The following UNC5D variants were observed in gnomAD, a reference collection of about 807,000 sequenced individuals.
UNC5D encodes the protein netrin receptor UNC5D.
Under a neutral mutation model 105.4 loss-of-function variants are expected in UNC5D, and 39 were observed. That is an observed-to-expected ratio of 0.37 (90% CI 0.29 to 0.48). The LOEUF is 0.48. UNC5D is among the 20% of genes least tolerant of loss of function. The pLI is 0.98. For synonymous variants in UNC5D, 452 were observed against 450.4 expected, an observed-to-expected ratio of 1.00 and a Z score of -0.04; for missense variants, 991 against 1,202.4, an observed-to-expected ratio of 0.82 and a Z score of 2.60.
chr8:35,631,230 C>T, intron 4 of UNC5D, among the ~76,000 whole-genome samples: 1 of 151,682 alleles, frequency 6.6e-6, no homozygotes, highest in East Asian at 1.9e-4. Context: ...AGGAGAATGG[C>T]TTCAACCCAG....
chr8:35,715,594 A>G (rs780117426), intron 8 of UNC5D, among the ~76,000 whole-genome samples: 1 of 152,212 alleles, frequency 6.6e-6, no homozygotes, highest in Non-Finnish European at 1.5e-5. Context: ...AAATCAGTAG[A>G]TGTTAAAAAG....
chr8:35,395,794 T>G (rs1229228834), intron 1 of UNC5D, among the ~76,000 whole-genome samples: 1 of 152,200 alleles, frequency 6.6e-6, no homozygotes, highest in Non-Finnish European at 1.5e-5. Flanking sequence ...TTTCCTCAGA[T>G]GTCAGCAGGT....
chr8:35,412,129 C>T (rs1805214582), intron 1 of UNC5D, among the ~76,000 whole-genome samples: 1 of 151,950 alleles, frequency 6.6e-6, no homozygotes, highest in Non-Finnish European at 1.5e-5. Context: ...TGGTGGTCTG[C>T]TTTACATCAT....
chr8:35,452,893 C>A (rs1585876255), intron 1 of UNC5D, among the ~76,000 whole-genome samples: 1 of 152,128 alleles, frequency 6.6e-6, no homozygotes, highest in East Asian at 1.9e-4. Context: ...GATCCAAGAG[C>A]TTCAGGAGGC....
chr8:35,766,891 C>T lies in UNC5D; in HGVS notation c.2314-11C>T. On this transcript the variant is annotated splice_polypyrimidine_tract_variant and intron_variant, in intron 14 of 16. Transcript: ENST00000404895. The stretch of plus-strand genomic sequence containing the variant: ...TCTGCACACCATCCCTTCTCTCCGT[C>T]TCCCCTGCAGGAAGTCCCGTTCTCC... The T allele has an allele frequency of 3.1e-6, 5 of 1,607,382 alleles. No individual in the cohort carries two copies. Among genetic ancestry groups the T allele is most frequent in the Non-Finnish European group, 4.3e-6 (5 of 1,175,938 alleles).
chr8:35,341,999 CT>C (rs971372008), intron 1 of UNC5D, among the ~76,000 whole-genome samples: 3 of 151,914 alleles, frequency 2.0e-5, no homozygotes, highest in African/African-American at 7.3e-5. Flanking sequence ...TAGGTCTTCT[CT>C]TTTTTTTCCC....
At chr8:35,743,206 C>G (rs1398804687) in intron 11 of UNC5D, among the ~76,000 whole-genome samples, 2 of 152,136 alleles carry the variant, frequency 1.3e-5, no homozygotes, top group East Asian at 3.9e-4. Flanking sequence ...CTGCTGATTT[C>G]TTTGTAAGAA....
intron 1 of UNC5D, among the ~76,000 whole-genome samples, chr8:35,297,041 G>A (rs1192137800): frequency 6.6e-6 from 1 of 152,138 alleles, no homozygotes; most frequent in Non-Finnish European, 1.5e-5. Context: ...AATTTTATAA[G>A]TCATGGGAGA....
intron 4 of UNC5D, among the ~76,000 whole-genome samples, chr8:35,667,963 GTC>G (rs1586377112): frequency 6.6e-6 from 1 of 152,190 alleles, no homozygotes; most frequent in East Asian, 1.9e-4. Flanking sequence ...TTCTACTGGA[GTC>G]AGTGGAATTT....
At chr8:35,488,954 G>A (rs1188383828) in intron 1 of UNC5D, among the ~76,000 whole-genome samples, 1 of 151,908 alleles carries the variant, frequency 6.6e-6, no homozygotes, top group African/African-American at 2.4e-5. Context: ...AAGAACTTGA[G>A]TTTGGGGGCG....
intron 2 of UNC5D, among the ~76,000 whole-genome samples, chr8:35,558,552 A>C (rs573248215): frequency 6.6e-6 from 1 of 152,242 alleles, no homozygotes; most frequent in Admixed American, 6.5e-5. Flanking sequence ...AATGGAAAAC[A>C]TTCCCTTATA....
intron 1 of UNC5D, among the ~76,000 whole-genome samples, chr8:35,293,666 C>A (rs1807246029): frequency 6.6e-6 from 1 of 152,188 alleles, no homozygotes; most frequent in African/African-American, 2.4e-5. Context: ...AAGTCATGCA[C>A]AACATCTGGA....
At chr8:35,506,873 GA>G (rs1812335863) in intron 1 of UNC5D, among the ~76,000 whole-genome samples, 1 of 152,086 alleles carries the variant, frequency 6.6e-6, no homozygotes, top group Admixed American at 6.5e-5. Flanking sequence ...AAGACTTTTG[GA>G]AAAGGGCAAG....
chr8:35,336,567 C>G (rs1811057179), intron 1 of UNC5D, among the ~76,000 whole-genome samples: 1 of 152,140 alleles, frequency 6.6e-6, no homozygotes, highest in South Asian at 2.1e-4. Flanking sequence ...ACTGAACCAG[C>G]CAGGCATCAC....
At chr8:35,760,772 C>CT (rs1801490750) in intron 14 of UNC5D, among the ~76,000 whole-genome samples, 1 of 144,712 alleles carries the variant, frequency 6.9e-6, no homozygotes, top group Admixed American at 6.8e-5. Context: ...ATCCTTGCAG[C>CT]ATTTTTTTTT....
intron 1 of UNC5D, among the ~76,000 whole-genome samples, chr8:35,385,387 T>C (rs1393878148): frequency 6.6e-6 from 1 of 151,480 alleles, no homozygotes; most frequent in East Asian, 1.9e-4. Context: ...ATGCCACCAA[T>C]CTCATAATGG....
chr8:35,258,172 G>A (rs1358611219), intron 1 of UNC5D, among the ~76,000 whole-genome samples: 2 of 152,132 alleles, frequency 1.3e-5, no homozygotes, highest in African/African-American at 4.8e-5. Flanking sequence ...AGGAAGGGAG[G>A]AACAGTGTTC....
At chr8:35,544,405 G>A in intron 1 of UNC5D, 1 of 1,609,678 alleles carries the variant, frequency 6.2e-7, no homozygotes. Flanking sequence ...AATAAGTAGG[G>A]ATTGTTTAAA....
chr8:35,325,261 G>C (rs1225534859), intron 1 of UNC5D, among the ~76,000 whole-genome samples: 1 of 152,114 alleles, frequency 6.6e-6, no homozygotes, highest in Non-Finnish European at 1.5e-5. Context: ...CTAGGCATTA[G>C]GGATGAATAA....
Sources: allele counts gnomAD v4.1 joint callset (sites outside exome capture counted in the v4.1 genomes callset), GRCh38; gene constraint gnomAD v4.1.1; transcripts MANE v1.5; gene names NCBI Gene and HGNC (gene_info 2026-07-23, HGNC 2026-07-21).